MERTK: variants seen among roughly 807,000 people sequenced by gnomAD.
The protein encoded by MERTK is tyrosine-protein kinase Mer.
In MERTK, 69 loss-of-function variants were observed where a neutral mutation model predicts 99.3. The observed-to-expected ratio is 0.70, with a 90% CI of 0.57 to 0.85. MERTK has a LOEUF of 0.85. Among genes scored for constraint, MERTK ranks in the 40% least tolerant of loss-of-function variants. The pLI, the probability that MERTK is intolerant of heterozygous loss-of-function variation, is 0.00. For missense variants in MERTK, 1,125 were observed against 1,249.4 expected (o/e 0.90, Z 1.50); for synonymous variants, 426 against 467.6 (o/e 0.91, Z 1.15).
rs1198403113 is a variant in MERTK, at chr2:112,020,659, T to G, written c.2190-763T>G. 6.4e-6 allele frequency: 3 copies of G among 471,106 alleles called. No homozygotes were observed. In the East Asian group the frequency reaches 2.1e-4, roughly 33 times the overall value. The allele number at this position is 471,106 out of a possible 1,614,324, so 29.2% of individuals were successfully genotyped here. On this transcript the variant is annotated intron_variant, in intron 16 of 18. Coordinates refer to ENST00000295408, the MANE Select transcript of MERTK (RefSeq NM_006343.3). ...AGCATCTTGCTCTTACTGCAGGTAA[T>G]TCCCCATCTTCCCCAAACTCTCAGG... is the stretch of plus-strand genomic sequence containing the variant.
intron 4 of MERTK, among the ~76,000 whole-genome samples, chr2:111,960,496 A>AG (rs1558786942): frequency 2.7e-5 from 4 of 148,032 alleles, no homozygotes; most frequent in Non-Finnish European, 6.0e-5. Context: ...AAAAAAAAAA[A>AG]AAAAAGAAAA....
At chr2:112,023,587 A>C (rs1187577531) in intron 18 of MERTK, among the ~76,000 whole-genome samples, 1 of 152,070 alleles carries the variant, frequency 6.6e-6, no homozygotes, top group Non-Finnish European at 1.5e-5. Context: ...CCTCGGAGTC[A>C]ATAGGCCACG....
At chr2:111,982,703 GA>G in intron 7 of MERTK, 138 bp from the exon 8 acceptor site, 10 of 917,814 alleles carry the variant, frequency 1.1e-5, no homozygotes, top group East Asian at 2.5e-5. Context: ...TTGAAAAGGT[GA>G]AAATGTGCTA....
chr2:111,969,895 G>C (rs1414081672), intron 6 of MERTK, among the ~76,000 whole-genome samples: 1 of 151,778 alleles, frequency 6.6e-6, no homozygotes, highest in Non-Finnish European at 1.5e-5. Context: ...GTTTCACCGT[G>C]TTAGCCAGGA....
intron 6 of MERTK, among the ~76,000 whole-genome samples, chr2:111,969,646 T>C (rs1676042867): frequency 6.6e-6 from 1 of 151,920 alleles, no homozygotes; most frequent in Admixed American, 6.6e-5. Flanking sequence ...GCCTGTATTA[T>C]CCGTAAAATA....
chr2:111,898,735 G>C lies in MERTK; in HGVS notation c.-1G>C, dbSNP rs1386703666. 7 of 1,606,250 alleles carry C rather than the reference G, an allele frequency of 4.4e-6. No homozygotes were observed. The Admixed American group carries it at 1.2e-4, about 27-fold the overall frequency. The stretch of plus-strand genomic sequence containing the variant: ...AGAAATTACAGATCCGCAGCCCCGG[G>C]ATGGGGCCGGCCCCGCTGCCGCTGC... On this transcript the variant is annotated 5_prime_UTR_variant, in exon 1 of 19. Transcript: ENST00000295408.
At chr2:111,932,809 G>A (rs1684697973) in intron 2 of MERTK, among the ~76,000 whole-genome samples, 2 of 152,154 alleles carry the variant, frequency 1.3e-5, no homozygotes, top group African/African-American at 4.8e-5. Flanking sequence ...GTATGTTGGG[G>A]AGAAGTTTAT....
At position 112,028,692 on chromosome 2, in the gene MERTK, C is replaced by A. The variant is rs1168984359; in HGVS notation, c.2828C>A (p.Ser943Tyr). Residue 943 changes from serine (S) to tyrosine (Y), a missense_variant, in exon 19 of 19, where the codon TCT (serine) becomes TAT (tyrosine). Physicochemically the swap from Ser to Tyr is moderately radical, Grantham distance 144. Transcript: ENST00000295408. The part of the protein sequence containing the change: ...GGSEEWEDLT[S>Y]APSAAVTAEK... The stretch of plus-strand genomic sequence containing the variant: ...AGTGAGGAATGGGAAGATCTGACTT[C>A]TGCCCCCTCTGCTGCAGTCACAGCT... 1 of 1,614,120 alleles carries A rather than the reference C, an allele frequency of 6.2e-7. No homozygotes were observed. Among genetic ancestry groups the A allele is most frequent in the African/African-American group, 1.3e-5 (1 of 74,940 alleles).
chr2:111,981,737 GTACACACACACACA>G (rs1337997552), intron 7 of MERTK, among the ~76,000 whole-genome samples: 1 of 151,166 alleles, frequency 6.6e-6, no homozygotes, highest in African/African-American at 2.4e-5. Context: ...GTACACTCGT[GTACACACACACACA>G]CACACACACA....
At chr2:111,978,064 C>A (rs1415233758) in intron 7 of MERTK, among the ~76,000 whole-genome samples, 5 of 151,994 alleles carry the variant, frequency 3.3e-5, no homozygotes, top group South Asian at 2.1e-4. Flanking sequence ...TTCACCTTCG[C>A]CTTCTGTGTA....
At chr2:111,995,771 G>A (rs1480109803) in intron 9 of MERTK, among the ~76,000 whole-genome samples, 10 of 152,106 alleles carry the variant, frequency 6.6e-5, no homozygotes, top group Admixed American at 3.9e-4. Context: ...CCAACATGGT[G>A]AAACCCCATC....
intron 1 of MERTK, among the ~76,000 whole-genome samples, chr2:111,899,983 C>G (rs994025900): frequency 1.3e-5 from 2 of 151,898 alleles, no homozygotes; most frequent in African/African-American, 4.8e-5. Context: ...AGGCTTTACC[C>G]AAAAGAAAAA....
intron 4 of MERTK, among the ~76,000 whole-genome samples, chr2:111,958,652 A>G (rs910333178): frequency 2.0e-5 from 3 of 152,134 alleles, no homozygotes; most frequent in Non-Finnish European, 2.9e-5. Flanking sequence ...CATTTGCTAT[A>G]GATTGTTTTT....
chr2:111,899,610 C>T (rs1349345807), intron 1 of MERTK, among the ~76,000 whole-genome samples: 1 of 152,080 alleles, frequency 6.6e-6, no homozygotes, highest in African/African-American at 2.4e-5. Flanking sequence ...CTCCGCCTCC[C>T]GGGTTCAAGC....
chr2:112,019,615 C>A, intron 16 of MERTK, 93 bp downstream of exon 16: 1 of 956,938 alleles, frequency 1.0e-6, no homozygotes, highest in Non-Finnish European at 1.7e-6. Context: ...TTTAGATAGG[C>A]AAGGAAGCTG....
intron 9 of MERTK, chr2:111,996,536 A>T (rs1676743412): frequency 6.5e-6 from 1 of 154,606 alleles, no homozygotes; most frequent in South Asian, 2.0e-4. Context: ...AAAGTGCAGT[A>T]AAGAAATGCA....
chr2:111,999,596 A>ATT (rs1361199194), intron 10 of MERTK, among the ~76,000 whole-genome samples: 1 of 152,122 alleles, frequency 6.6e-6, no homozygotes, highest in Non-Finnish European at 1.5e-5. Flanking sequence ...TCCCAGCCTT[A>ATT]TTTTTTAGAA....
At chr2:111,955,812 T>G (rs1439086749) in intron 4 of MERTK, among the ~76,000 whole-genome samples, 1 of 152,106 alleles carries the variant, frequency 6.6e-6, no homozygotes, top group African/African-American at 2.4e-5. Flanking sequence ...AATCCCAAAA[T>G]AAAGAGCAGA....
chr2:111,911,215 T>C (rs1012068363), intron 1 of MERTK, among the ~76,000 whole-genome samples: 1 of 152,120 alleles, frequency 6.6e-6, no homozygotes, highest in Non-Finnish European at 1.5e-5. Flanking sequence ...ACATACATGT[T>C]ATAAAATTTC....
Sources: allele counts gnomAD v4.1 joint callset (sites outside exome capture counted in the v4.1 genomes callset), GRCh38; gene constraint gnomAD v4.1.1; transcripts MANE v1.5; gene names NCBI Gene and HGNC (gene_info 2026-07-23, HGNC 2026-07-21).